Variants in ZCWPW2 observed in about 807,000 individuals in gnomAD.
The protein encoded by ZCWPW2 is zinc finger CW-type PWWP domain protein 2.
A neutral mutation model predicts 46.6 loss-of-function variants in ZCWPW2; 45 were observed. That is an observed-to-expected ratio of 0.96 (90% CI 0.76 to 1.24). The LOEUF (loss-of-function observed/expected upper bound fraction) is 1.24. ZCWPW2 is among the 50% of genes most tolerant of loss of function. The probability of loss-of-function intolerance (pLI) is 0.00; values close to 1 mark genes in which losing one functional copy is unlikely to be tolerated. For synonymous variants in ZCWPW2, 152 were observed against 137.1 expected (o/e 1.11, Z -0.76); for missense variants, 429 against 403.9 (o/e 1.06, Z -0.53).
chr3:28,359,270 A>G (rs1199479590), intron 1 of ZCWPW2, among the ~76,000 whole-genome samples: 2 of 152,148 alleles, frequency 1.3e-5, no homozygotes, highest in Non-Finnish European at 2.9e-5. Context: ...TGTGAAAAAT[A>G]TAACTGTTTT....
intron 1 of ZCWPW2, among the ~76,000 whole-genome samples, chr3:28,360,349 C>CAAAAAAAAAAAA (rs71087692): frequency 2.6e-3 from 137 of 53,702 alleles, no homozygotes; most frequent in South Asian, 3.8e-3. Flanking sequence ...ACTAAAAATA[C>CAAAAAAAAAAAA]AAAAAAAAAA....
intron 2 of ZCWPW2, among the ~76,000 whole-genome samples, chr3:28,400,645 C>G (rs942220345): frequency 6.6e-6 from 1 of 152,180 alleles, no homozygotes; most frequent in African/African-American, 2.4e-5. Flanking sequence ...TCAGCCTCCT[C>G]AAATGAAAGA....
intron 6 of ZCWPW2, among the ~76,000 whole-genome samples, chr3:28,492,684 G>A (rs529912371): frequency 6.6e-6 from 1 of 152,176 alleles, no homozygotes; most frequent in East Asian, 1.9e-4. Context: ...TTTGAATATT[G>A]CATTCAGAGA....
chr3:28,374,910 G>A (rs1009765389), intron 1 of ZCWPW2, among the ~76,000 whole-genome samples: 1 of 151,978 alleles, frequency 6.6e-6, no homozygotes. Flanking sequence ...GTGTTACCAA[G>A]AGTGAGGTGT....
At chr3:28,446,062 G>A (rs962221809) in intron 4 of ZCWPW2, among the ~76,000 whole-genome samples, 3 of 152,036 alleles carry the variant, frequency 2.0e-5, no homozygotes, top group Admixed American at 2.0e-4. Flanking sequence ...GAAATGGACA[G>A]TTCAACAATA....
intron 1 of ZCWPW2, among the ~76,000 whole-genome samples, chr3:28,369,425 A>G (rs1010638988): frequency 6.6e-6 from 1 of 152,224 alleles, no homozygotes; most frequent in Admixed American, 6.5e-5. Flanking sequence ...GGTCCACTCC[A>G]GACCCTTTTT....
At position 28,413,791 on chromosome 3, in the gene ZCWPW2, G is replaced by C. The variant is rs536268502; in HGVS notation, c.332+391G>C. ...ACCAAATATTGGGGAATTTTAATGTGTCTTATTGCATTCTAATTTAAATCT... is the reference window on the plus strand; with the variant it reads ...ACCAAATATTGGGGAATTTTAATGTCTCTTATTGCATTCTAATTTAAATCT... On this transcript the variant is annotated intron_variant, in intron 3 of 9. Coordinates refer to ENST00000383768, the MANE Select transcript of ZCWPW2 (RefSeq NM_001040432.4). 2.0e-5 allele frequency among the ~76,000 whole-genome samples: 3 copies of C among 152,114 alleles called. No individual in the cohort carries two copies. In the East Asian group the frequency reaches 5.8e-4, roughly 29 times the overall value.
intron 1 of ZCWPW2, 69 bp from the exon 2 acceptor site, chr3:28,390,429 C>A (rs949799455): frequency 1.3e-5 from 12 of 954,156 alleles, no homozygotes; most frequent in African/African-American, 1.8e-5. Flanking sequence ...TCAAATAATT[C>A]TTTATTATTT....
chr3:28,405,464 G>T (rs2125733126), intron 2 of ZCWPW2, among the ~76,000 whole-genome samples: 1 of 152,190 alleles, frequency 6.6e-6, no homozygotes, highest in East Asian at 1.9e-4. Context: ...GCTGTAAACA[G>T]AGGTTTTTGT....
intron 3 of ZCWPW2, among the ~76,000 whole-genome samples, chr3:28,419,935 G>C (rs1696695256): frequency 9.2e-6 from 1 of 108,642 alleles, no homozygotes; most frequent in South Asian, 4.3e-4. Context: ...GGGGTGGGGG[G>C]AGGGGGGAGG....
intron 5 of ZCWPW2, among the ~76,000 whole-genome samples, chr3:28,491,393 TC>T (rs1699807052): frequency 6.6e-6 from 1 of 152,220 alleles, no homozygotes; most frequent in Admixed American, 6.6e-5. Flanking sequence ...CAAAATAATA[TC>T]CTGGGATAGT....
At chr3:28,507,718 G>T (rs1425136930) in intron 6 of ZCWPW2, among the ~76,000 whole-genome samples, 1 of 151,998 alleles carries the variant, frequency 6.6e-6, no homozygotes, top group Non-Finnish European at 1.5e-5. Flanking sequence ...TTCAGGCTTG[G>T]AAACAATATT....
intron 3 of ZCWPW2, among the ~76,000 whole-genome samples, chr3:28,433,490 G>A (rs571392690): frequency 3.9e-5 from 6 of 152,214 alleles, no homozygotes; most frequent in African/African-American, 1.4e-4. Context: ...AAACAGGCTG[G>A]GTGCAGTGGC....
chr3:28,373,468 T>C (rs1705406845), intron 1 of ZCWPW2, among the ~76,000 whole-genome samples: 1 of 151,502 alleles, frequency 6.6e-6, no homozygotes, highest in Non-Finnish European at 1.5e-5. Flanking sequence ...TTTTTGTTTG[T>C]TTGTTTGTTT....
chr3:28,479,312 G>A (rs1286769616), intron 5 of ZCWPW2, among the ~76,000 whole-genome samples: 2 of 151,932 alleles, frequency 1.3e-5, no homozygotes, highest in African/African-American at 4.8e-5. Context: ...TATTATTACA[G>A]AACAAAGTAT....
At chr3:28,421,223 A>G (rs1246483533) in intron 3 of ZCWPW2, among the ~76,000 whole-genome samples, 1 of 152,092 alleles carries the variant, frequency 6.6e-6, no homozygotes, top group Non-Finnish European at 1.5e-5. Context: ...CTCCCCACTC[A>G]CAACTCTAGG....
chr3:28,381,848 T>C (rs1314205330), intron 1 of ZCWPW2, among the ~76,000 whole-genome samples: 1 of 151,992 alleles, frequency 6.6e-6, no homozygotes, highest in Non-Finnish European at 1.5e-5. Flanking sequence ...TGTAACAAAG[T>C]ACAACAGATT....
chr3:28,386,637 A>T (rs1695283293), intron 1 of ZCWPW2, among the ~76,000 whole-genome samples: 1 of 152,190 alleles, frequency 6.6e-6, no homozygotes, highest in Admixed American at 6.5e-5. Context: ...GTCAAATTTA[A>T]AATATCTGTG....
chr3:28,437,030 A>G (rs913558287), intron 4 of ZCWPW2, among the ~76,000 whole-genome samples: 9 of 152,180 alleles, frequency 5.9e-5, no homozygotes. Flanking sequence ...TGGAGCTCCT[A>G]TATCCTCAAA....
Sources: allele counts gnomAD v4.1 joint callset (sites outside exome capture counted in the v4.1 genomes callset), GRCh38; gene constraint gnomAD v4.1.1; transcripts MANE v1.5; gene names NCBI Gene and HGNC (gene_info 2026-07-23, HGNC 2026-07-21).